The following PKP2 variants were observed in gnomAD, a reference collection of about 807,000 sequenced individuals.
PKP2 encodes the protein plakophilin 2, also known as plakophilin-2.
PKP2 carries 73 observed loss-of-function variants against 83.4 expected under a neutral mutation model. The observed-to-expected ratio is 0.88, with a 90% CI of 0.72 to 1.06. The LOEUF is 1.06. Among genes scored for constraint, PKP2 ranks in the 50% least tolerant of loss-of-function variants. PKP2 has a pLI of 0.00. For missense variants in PKP2, 966 were observed against 1,065.4 expected, an observed-to-expected ratio of 0.91 and a Z score of 1.30; for synonymous variants, 409 against 430.4, an observed-to-expected ratio of 0.95 and a Z score of 0.62.
At chr12:32,809,778 G>A (rs954974393) in intron 9 of PKP2, among the ~76,000 whole-genome samples, 2 of 152,204 alleles carry the variant, frequency 1.3e-5, no homozygotes, top group Admixed American at 1.3e-4. Context: ...GGTCCTGGGC[G>A]GGTCGCACAA....
intron 10 of PKP2, among the ~76,000 whole-genome samples, chr12:32,801,680 CAGAGCATTATGAAGCATGTTTAATTT>C (rs1176606100): frequency 6.6e-6 from 1 of 152,148 alleles, no homozygotes; most frequent in Non-Finnish European, 1.5e-5. Flanking sequence ...CGACCGATTA[CAGAGCATTATGAAGCATGTTTAATTT>C]TAGCATTATC....
At chr12:32,812,054 G>T (rs913408602) in intron 9 of PKP2, among the ~76,000 whole-genome samples, 1 of 151,658 alleles carries the variant, frequency 6.6e-6, no homozygotes, top group Non-Finnish European at 1.5e-5. Context: ...GCTTGCTTGC[G>T]TGGGGGAAAC....
chr12:32,889,511 C>CA (rs1957059026), intron 1 of PKP2, among the ~76,000 whole-genome samples: 1 of 152,164 alleles, frequency 6.6e-6, no homozygotes, highest in African/African-American at 2.4e-5. Flanking sequence ...AGTCTTGTAT[C>CA]AGTACTTGAC....
chr12:32,896,484 C>T, intron 1 of PKP2, 25 bp downstream of exon 1: 1 of 1,454,456 alleles, frequency 6.9e-7, no homozygotes, highest in Non-Finnish European at 9.1e-7. Flanking sequence ...GGGGGCGGCG[C>T]CGGGGAGCGG....
intron 9 of PKP2, among the ~76,000 whole-genome samples, chr12:32,805,861 C>T (rs10844362): frequency 0.2 from 29,750 of 151,976 alleles, 3,586 homozygotes; most frequent in East Asian, 0.57. Flanking sequence ...GGTAGTCTAA[C>T]GGGGATAGCA....
chr12:32,807,134 C>T (rs1592731440), intron 9 of PKP2, among the ~76,000 whole-genome samples: 1 of 152,120 alleles, frequency 6.6e-6, no homozygotes, highest in Non-Finnish European at 1.5e-5. Flanking sequence ...ATTATGTGAA[C>T]AAGTTTTGAG....
At chr12:32,801,235 C>T (rs1175532443) in intron 10 of PKP2, among the ~76,000 whole-genome samples, 1 of 152,062 alleles carries the variant, frequency 6.6e-6, no homozygotes. Context: ...GCATTTCTGC[C>T]CTGAAGGTAC....
Position 32,850,949 on chromosome 12 carries a change from T to G in PKP2, c.1195A>C (p.Lys399Gln). Residue 399 changes from lysine (K) to glutamine (Q), a missense_variant, in exon 5 of 13, where the codon AAG (lysine) becomes CAG (glutamine). Lys to Gln is a moderately conservative substitution (Grantham distance 53). Transcript: ENST00000340811. ...TGAACTTTTAGGAGCTGCAGAAGCT[T>G]GAGGATGCCACGAAGCTGGTTAACC... ...KRVNQLRGIL[K>Q]LLQLLKVQNE... 6.2e-7 allele frequency: 1 copy of G among 1,614,092 alleles called. No homozygotes were observed. Among genetic ancestry groups the G allele is most frequent in the South Asian group, 1.1e-5 (1 of 91,086 alleles).
At chr12:32,857,785 C>A (rs551472772) in intron 4 of PKP2, among the ~76,000 whole-genome samples, 1 of 151,950 alleles carries the variant, frequency 6.6e-6, no homozygotes, top group Non-Finnish European at 1.5e-5. Context: ...CAAACAACTT[C>A]AATCCTATGT....
chr12:32,874,655 C>A (rs549466371), intron 3 of PKP2, among the ~76,000 whole-genome samples: 67 of 152,240 alleles, frequency 4.4e-4, no homozygotes, highest in Non-Finnish European at 7.4e-4. Context: ...ACTAATACTT[C>A]TAGAATTTGA....
In PKP2 at chr12:32,850,913, C is replaced by A. The variant is rs192041220; in HGVS notation, c.1231G>T (p.Val411Phe). Residue 411 changes from valine to phenylalanine, a missense_variant, in exon 5 of 13, where the codon GTT becomes TTT. By Grantham distance (50) the Val-to-Phe change is conservative. Transcript: ENST00000340811. ...LQLLKVQNEDVQRAVCGALRN... is the reference protein window; with the variant it reads ...LQLLKVQNEDFQRAVCGALRN... ...AAGGCCCCACACACAGCTCGCTGAA[C>A]GTCTTCATTCTGAACTTTTAGGAGC... The A allele has an allele frequency of 6.2e-7, 1 of 1,614,132 alleles. No homozygotes were observed. Among genetic ancestry groups the A allele is most frequent in the South Asian group, 1.1e-5 (1 of 91,086 alleles).
Position 32,812,535 on chromosome 12 carries a change from C to T in PKP2, c.2013+8821G>A, listed in dbSNP as rs189553684. The stretch of plus-strand genomic sequence containing the variant: ...TTTTCTTTTTTGAGACAGAGTCTCG[C>T]TCTGTCGCCCAGGCTGGAGTGCAGT... On this transcript the variant is annotated intron_variant, in intron 9 of 12. Transcript: ENST00000340811. 1.6e-4 allele frequency among the ~76,000 whole-genome samples: 24 copies of T among 152,258 alleles called. No individual in the cohort carries two copies. In the Middle Eastern group the frequency reaches 0.017, roughly 108 times the overall value.
rs767358039 is a variant in PKP2, at chr12:32,878,338, T to G, written c.542A>C (p.Gln181Pro). The change falls in exon 3 of 13, where the codon CAA becomes CCA. Residue 181 changes from glutamine (Q) to proline (P), a missense_variant. Gln to Pro is a moderately conservative substitution (Grantham distance 76). Transcript: ENST00000340811. ...TAGGAGGGCGGCCCGCCTGCTTTCT[T>G]GGTGGTGCAGGGTGTGCCCAGCCTG... ...RSQAGHTLHHQESRRAALLVP... is the reference protein window; with the variant it reads ...RSQAGHTLHHPESRRAALLVP... 7 of 1,613,016 alleles carry G rather than the reference T, an allele frequency of 4.3e-6. No homozygotes were observed. Among genetic ancestry groups the G allele is most frequent in the Non-Finnish European group, 5.9e-6 (7 of 1,179,970 alleles).
chr12:32,804,504 A>G (rs764666296), intron 9 of PKP2, among the ~76,000 whole-genome samples: 21 of 152,098 alleles, frequency 1.4e-4, no homozygotes, highest in Admixed American at 8.5e-4. Flanking sequence ...CCAAGTATCC[A>G]TGTGTTCCCA....
intron 6 of PKP2, among the ~76,000 whole-genome samples, chr12:32,833,459 A>G (rs1401122376): frequency 6.6e-6 from 1 of 152,152 alleles, no homozygotes; most frequent in Non-Finnish European, 1.5e-5. Context: ...AGAGTAGCTC[A>G]TATTGATATT....
chr12:32,838,715 G>A (rs1956563754), intron 6 of PKP2, among the ~76,000 whole-genome samples: 1 of 152,054 alleles, frequency 6.6e-6, no homozygotes, highest in African/African-American at 2.4e-5. Context: ...TAAGTGTCAG[G>A]CATTAAAAAT....
intron 4 of PKP2, among the ~76,000 whole-genome samples, chr12:32,855,883 A>G (rs1351485343): frequency 4.6e-5 from 7 of 152,006 alleles, no homozygotes; most frequent in African/African-American, 1.7e-4. Flanking sequence ...TAAATGTATG[A>G]ATCATAAATA....
intron 1 of PKP2, among the ~76,000 whole-genome samples, chr12:32,889,080 A>G (rs1957055880): frequency 6.6e-6 from 1 of 152,194 alleles, no homozygotes; most frequent in African/African-American, 2.4e-5. Flanking sequence ...CTTGCATTCA[A>G]GATCAGAGGA....
chr12:32,885,346 A>G (rs947096555), intron 1 of PKP2, among the ~76,000 whole-genome samples: 3 of 152,166 alleles, frequency 2.0e-5, no homozygotes, highest in Non-Finnish European at 4.4e-5. Flanking sequence ...ATAATGAATT[A>G]TTGTCAGGGT....
Sources: allele counts gnomAD v4.1 joint callset (sites outside exome capture counted in the v4.1 genomes callset), GRCh38; gene constraint gnomAD v4.1.1; transcripts MANE v1.5; gene names NCBI Gene and HGNC (gene_info 2026-07-23, HGNC 2026-07-21).